The following ZFAT variants were observed in gnomAD, a reference collection of about 807,000 sequenced individuals.
ZFAT encodes zinc finger and AT-hook domain containing.
In ZFAT, 64 loss-of-function variants were observed where a neutral mutation model predicts 117.7. The observed-to-expected ratio is 0.54, with a 90% CI of 0.44 to 0.67. The LOEUF (loss-of-function observed/expected upper bound fraction) is 0.67, where lower values mean the gene tolerates loss of function less well. Among genes scored for constraint, ZFAT ranks in the 30% least tolerant of loss-of-function variants. The pLI is 0.00. For synonymous variants in ZFAT, 679 were observed against 615.0 expected (o/e 1.10, Z -1.54); for missense variants, 1,433 against 1,584.5 (o/e 0.90, Z 1.62).
chr8:134,550,325 A>AACAAAACAAC (rs1554643707), intron 11 of ZFAT, among the ~76,000 whole-genome samples: 4 of 150,536 alleles, frequency 2.7e-5, no homozygotes, highest in African/African-American at 9.9e-5. Flanking sequence ...AAAAAAAAAA[A>AACAAAACAAC]AAAAAAACAG....
intron 3 of ZFAT, among the ~76,000 whole-genome samples, chr8:134,636,937 C>T (rs1830249362): frequency 6.6e-6 from 1 of 152,230 alleles, no homozygotes; most frequent in African/African-American, 2.4e-5. Context: ...ATCTAGTCCT[C>T]AGCCAATGCT....
At chr8:134,651,777 T>C (rs1199078528) in intron 2 of ZFAT, among the ~76,000 whole-genome samples, 1 of 152,132 alleles carries the variant, frequency 6.6e-6, no homozygotes, top group East Asian at 1.9e-4. Context: ...CATAAATCTA[T>C]AGGTTTAAGA....
At chr8:134,773,147 G>T in the ZFAT span, among the ~76,000 whole-genome samples, 1 of 151,314 alleles carries the variant, frequency 6.6e-6, no homozygotes, top group Non-Finnish European at 1.5e-5. Context: ...TCAAGGGACA[G>T]TCTGAGTCTC....
At chr8:134,827,745 GT>G in the ZFAT span, among the ~76,000 whole-genome samples, 52 of 149,350 alleles carry the variant, frequency 3.5e-4, no homozygotes, top group Admixed American at 2.1e-3. Flanking sequence ...TCCAGCCTGG[GT>G]GACAGAGTGA....
At chr8:134,599,488 C>T (rs1198668918) in intron 7 of ZFAT, 1 of 278,378 alleles carries the variant, frequency 3.6e-6, no homozygotes, top group Non-Finnish European at 7.0e-6. Flanking sequence ...TCAGGGAAGA[C>T]AAGTGACTTG....
chr8:134,749,657 A>G, the ZFAT span, among the ~76,000 whole-genome samples: 4 of 152,198 alleles, frequency 2.6e-5, no homozygotes, highest in African/African-American at 7.2e-5. Flanking sequence ...CTGATTTTAC[A>G]TACAGTATGA....
chr8:134,569,901 A>G (rs972209409), intron 10 of ZFAT, among the ~76,000 whole-genome samples: 1 of 152,210 alleles, frequency 6.6e-6, no homozygotes, highest in Admixed American at 6.5e-5. Context: ...CAACTATATC[A>G]AAGTGTAAGT....
intron 3 of ZFAT, among the ~76,000 whole-genome samples, chr8:134,613,344 A>G (rs1020640827): frequency 1.3e-5 from 2 of 151,944 alleles, no homozygotes; most frequent in Non-Finnish European, 2.9e-5. Context: ...CAACGGATAA[A>G]CTGTGTCTGG....
At chr8:134,488,774 G>A (rs1207056152) in intron 15 of ZFAT, among the ~76,000 whole-genome samples, 3 of 152,126 alleles carry the variant, frequency 2.0e-5, no homozygotes, top group South Asian at 2.1e-4. Flanking sequence ...GCAGCTGGTG[G>A]CCAGGGATGC....
At chr8:134,748,096 A>G in the ZFAT span, among the ~76,000 whole-genome samples, 1 of 152,236 alleles carries the variant, frequency 6.6e-6, no homozygotes, top group Non-Finnish European at 1.5e-5. Context: ...AGACAAGTGC[A>G]TAAAATTTAT....
At chr8:134,677,387 A>C (rs7018406) in intron 1 of ZFAT, among the ~76,000 whole-genome samples, 42,657 of 152,068 alleles carry the variant, frequency 0.28, 6,265 homozygotes, top group East Asian at 0.38. Flanking sequence ...CCCAAGACTA[A>C]ATCAGGAAGA....
chr8:134,631,397 G>C (rs1003027854), intron 3 of ZFAT, among the ~76,000 whole-genome samples: 1 of 152,200 alleles, frequency 6.6e-6, no homozygotes. Context: ...AGGCACAGAC[G>C]TGATAGAGCA....
At chr8:134,621,001 T>C (rs769926411) in intron 3 of ZFAT, among the ~76,000 whole-genome samples, 1 of 152,164 alleles carries the variant, frequency 6.6e-6, no homozygotes, top group Non-Finnish European at 1.5e-5. Flanking sequence ...AATTACACAG[T>C]TAATTCTAAG....
the ZFAT span, among the ~76,000 whole-genome samples, chr8:134,829,317 ATTC>A: frequency 6.6e-6 from 1 of 152,228 alleles, no homozygotes; most frequent in East Asian, 1.9e-4. Context: ...GCCCAAGACA[ATTC>A]TTCTTCTTCC....
intron 11 of ZFAT, among the ~76,000 whole-genome samples, chr8:134,544,455 T>TTA (rs369285959): frequency 6.6e-6 from 1 of 151,064 alleles, no homozygotes; most frequent in Non-Finnish European, 1.5e-5. Flanking sequence ...AATTTTTTTT[T>TTA]AAAAAAATTA....
At chr8:134,808,567 C>A in the ZFAT span, among the ~76,000 whole-genome samples, 46 of 152,294 alleles carry the variant, frequency 3.0e-4, 1 homozygote, top group South Asian at 8.9e-3. Context: ...GCAAGAGTCA[C>A]AGGGAATGGT....
the ZFAT span, among the ~76,000 whole-genome samples, chr8:134,823,660 C>T: frequency 6.6e-6 from 1 of 152,158 alleles, no homozygotes; most frequent in African/African-American, 2.4e-5. Flanking sequence ...TATTACATAT[C>T]TTGACACTTG....
intron 1 of ZFAT, among the ~76,000 whole-genome samples, chr8:134,702,927 T>C (rs963582970): frequency 6.6e-6 from 1 of 152,190 alleles, no homozygotes; most frequent in Non-Finnish European, 1.5e-5. Flanking sequence ...GGCCTCGGCC[T>C]CCCAAAGTGC....
the ZFAT span, among the ~76,000 whole-genome samples, chr8:134,811,765 G>C: frequency 6.6e-6 from 1 of 152,270 alleles, no homozygotes; most frequent in Non-Finnish European, 1.5e-5. Context: ...TAAAAGCATG[G>C]GCTTTACAGT....
Sources: allele counts gnomAD v4.1 joint callset (sites outside exome capture counted in the v4.1 genomes callset), GRCh38; gene constraint gnomAD v4.1.1; transcripts MANE v1.5; gene names NCBI Gene and HGNC (gene_info 2026-07-23, HGNC 2026-07-21).